Variants in CMTM7 observed in about 807,000 individuals in gnomAD.
The protein encoded by CMTM7 is CKLF-like MARVEL transmembrane domain-containing protein 7.
CMTM7 carries 7 observed loss-of-function variants against 19.3 expected under a neutral mutation model. The ratio of observed to expected loss-of-function variants is 0.36; its 90% confidence interval spans 0.21 to 0.68. CMTM7 has a LOEUF of 0.68. CMTM7 is among the 30% of genes least tolerant of loss of function. The pLI is 0.60. For missense variants in CMTM7, 193 were observed against 232.6 expected (o/e 0.83, Z 1.11); for synonymous variants, 87 against 99.3 (o/e 0.88, Z 0.74).
rs1696879403 is a variant in CMTM7, at chr3:32,454,362, T to C, written c.*108T>C. 1 of 1,403,526 alleles carries C rather than the reference T, an allele frequency of 7.1e-7. No individual in the cohort carries two copies. The highest frequency in any genetic ancestry group is 1.4e-5 in the African/African-American group (1 of 70,716). The allele number at this position is 1,403,526 out of a possible 1,614,324, so 86.9% of individuals were successfully genotyped here. A position where few individuals can be genotyped will look rare whatever the true frequency, so the allele number is the denominator to read the frequency against. On this transcript the variant is annotated 3_prime_UTR_variant, in exon 5 of 5. Transcript: ENST00000334983. ...CTGTGCCAAAGTCCTGTCAGGCTGG[T>C]GGGCACCAGGAAAGGCCTGCACCCT... is the stretch of plus-strand genomic sequence containing the variant.
intron 2 of CMTM7, among the ~76,000 whole-genome samples, chr3:32,443,390 CA>C (rs2125640923): frequency 6.6e-6 from 1 of 152,304 alleles, no homozygotes; most frequent in South Asian, 2.1e-4. Context: ...AGACATGAGC[CA>C]CCATGCCAGC....
intron 1 of CMTM7, among the ~76,000 whole-genome samples, chr3:32,394,868 G>A (rs1380043743): frequency 2.0e-5 from 3 of 151,866 alleles, no homozygotes; most frequent in African/African-American, 4.8e-5. Context: ...GCTAATTTTT[G>A]TATTTTTAGT....
At chr3:32,423,819 G>A (rs1229067297) in intron 1 of CMTM7, among the ~76,000 whole-genome samples, 2 of 152,192 alleles carry the variant, frequency 1.3e-5, no homozygotes, top group East Asian at 1.9e-4. Flanking sequence ...ACATTTTTAA[G>A]CCAGCCCCCC....
rs1696802291 is a variant in CMTM7, at chr3:32,449,688, C to G, written c.432+136C>G. ...TCAATACCTACCTTGATCCAGCCATCAGCTCTCTCCAAAGAGCCTTAAGCA... is the reference window on the plus strand; with the variant it reads ...TCAATACCTACCTTGATCCAGCCATGAGCTCTCTCCAAAGAGCCTTAAGCA... On this transcript the variant is annotated intron_variant, in intron 3 of 4. Transcript: ENST00000334983. The surrounding 1 kb of genome is among the most constrained non-coding windows in gnomAD (Gnocchi z 4.5). 2.8e-6 allele frequency: 2 copies of G among 714,602 alleles called. No homozygotes were observed. The highest frequency in any genetic ancestry group is 5.0e-6 in the Non-Finnish European group (2 of 400,720). 44.3% of individuals were successfully genotyped at this position (714,602 alleles called of 1,614,324 possible).
intron 1 of CMTM7, among the ~76,000 whole-genome samples, chr3:32,430,290 T>C (rs898308895): frequency 6.6e-6 from 1 of 152,174 alleles, no homozygotes; most frequent in Non-Finnish European, 1.5e-5. Flanking sequence ...TTACATAATG[T>C]GTATAAATTG....
intron 2 of CMTM7, among the ~76,000 whole-genome samples, chr3:32,445,804 C>T (rs1185908763): frequency 6.6e-6 from 1 of 152,184 alleles, no homozygotes; most frequent in Admixed American, 6.5e-5. Flanking sequence ...GCATGAGCCC[C>T]CACACCTGGC....
At chr3:32,416,361 A>ATTTTTTTTTTTTTTTTTTTT (rs58085712) in intron 1 of CMTM7, among the ~76,000 whole-genome samples, 1 of 72,442 alleles carries the variant, frequency 1.4e-5, no homozygotes, top group African/African-American at 5.9e-5. Flanking sequence ...ATCCGGGCTA[A>ATTTTTTTTTTTTTTTTTTTT]TTTTTTTTTT....
chr3:32,431,888 T>C (rs1696525291), intron 1 of CMTM7, among the ~76,000 whole-genome samples: 1 of 152,214 alleles, frequency 6.6e-6, no homozygotes, highest in Admixed American at 6.5e-5. Context: ...TCCCAACACT[T>C]TGGGAGACCG....
chr3:32,398,902 T>C (rs1257832430), intron 1 of CMTM7, among the ~76,000 whole-genome samples: 1 of 152,060 alleles, frequency 6.6e-6, no homozygotes, highest in Non-Finnish European at 1.5e-5. Flanking sequence ...GGAGGATCTC[T>C]TGGAGGTCTA....
intron 1 of CMTM7, among the ~76,000 whole-genome samples, chr3:32,431,191 A>G (rs1696512941): frequency 6.6e-6 from 1 of 152,222 alleles, no homozygotes; most frequent in African/African-American, 2.4e-5. Flanking sequence ...GAGGCAGAGG[A>G]TAAAACTATA....
At position 32,423,412 on chromosome 3, in the gene CMTM7, G is replaced by A. The variant is rs141831116; in HGVS notation, c.160-18428G>A. On this transcript the variant is annotated intron_variant, in intron 1 of 4. Coordinates refer to ENST00000334983, the MANE Select transcript of CMTM7 (RefSeq NM_138410.4). The stretch of plus-strand genomic sequence containing the variant: ...TCAAATGGAATCTTACAGAGAACAT[G>A]AGTAAATGATTCTTATAAGCTGCTC... Among the ~76,000 whole-genome samples the A allele has an allele frequency of 2.5e-3, 377 of 152,298 alleles. 4 individuals carry two copies. Among genetic ancestry groups the A allele is most frequent in the East Asian group, 0.021 (108 of 5,186 alleles).
intron 1 of CMTM7, among the ~76,000 whole-genome samples, chr3:32,410,732 G>A (rs1696160353): frequency 6.6e-6 from 1 of 152,236 alleles, no homozygotes; most frequent in Admixed American, 6.5e-5. Context: ...CGTAGTAGCT[G>A]TTAGCCTGTT....
chr3:32,444,432 C>G (rs1171477754), intron 2 of CMTM7, among the ~76,000 whole-genome samples: 1 of 152,180 alleles, frequency 6.6e-6, no homozygotes, highest in Non-Finnish European at 1.5e-5. Context: ...TGTCGTTATG[C>G]CATTATCACA....
chr3:32,425,266 T>G (rs1374017254), intron 1 of CMTM7, among the ~76,000 whole-genome samples: 1 of 152,202 alleles, frequency 6.6e-6, no homozygotes, highest in Non-Finnish European at 1.5e-5. Context: ...TTTCGGCTCC[T>G]TATAAAAAAA....
rs563964957 is a variant in CMTM7 at position 32,408,439 on chromosome 3, G to T, written c.159+16374G>T. On this transcript the variant is annotated intron_variant, in intron 1 of 4. Transcript: ENST00000334983. ...TAACTTTCGGAGAGGTGATGGCCAC[G>T]CTGTCTGCCTCTCAGAATGGCAATG... 2.6e-5 allele frequency among the ~76,000 whole-genome samples: 4 copies of T among 152,330 alleles called. No homozygotes were observed. In the East Asian group the frequency reaches 7.7e-4, roughly 29 times the overall value.
intron 4 of CMTM7, among the ~76,000 whole-genome samples, chr3:32,452,973 G>A (rs568740648): frequency 9.4e-6 from 1 of 105,954 alleles, no homozygotes; most frequent in East Asian, 3.3e-4. Context: ...GTCTCACCAT[G>A]TTGCCCAGGC....
At chr3:32,444,587 A>T (rs901089187) in intron 2 of CMTM7, among the ~76,000 whole-genome samples, 3 of 152,258 alleles carry the variant, frequency 2.0e-5, no homozygotes, top group Non-Finnish European at 2.9e-5. Context: ...TACAAAAATC[A>T]GCTGGGATTA....
At chr3:32,440,823 A>G (rs1247231826) in intron 1 of CMTM7, among the ~76,000 whole-genome samples, 1 of 152,206 alleles carries the variant, frequency 6.6e-6, no homozygotes, top group Non-Finnish European at 1.5e-5. Flanking sequence ...AGATTCTAAG[A>G]TTTTACACAC....
At chr3:32,429,257 A>G (rs1359557721) in intron 1 of CMTM7, among the ~76,000 whole-genome samples, 1 of 151,094 alleles carries the variant, frequency 6.6e-6, no homozygotes, top group Non-Finnish European at 1.5e-5. Context: ...TTTTGTCTTA[A>G]TGACTGTTAA....
Sources: gnomAD v4.1 joint callset for allele counts (sites outside exome capture counted in the v4.1 genomes callset) on GRCh38, gnomAD v4.1.1 for gene constraint, Gnocchi (gnomAD v3.1) non-coding constraint, MANE v1.5 for transcripts, NCBI Gene and HGNC (gene_info 2026-07-23, HGNC 2026-07-21) for gene names.